The following CACNA1A variants were observed in gnomAD, a reference collection of about 807,000 sequenced individuals.
CACNA1A encodes voltage-dependent P/Q-type calcium channel subunit alpha-1A.
Under a neutral mutation model 262.4 loss-of-function variants are expected in CACNA1A, and 57 were observed. That is an observed-to-expected ratio of 0.22 (90% CI 0.18 to 0.27). CACNA1A has a LOEUF of 0.27. Among genes scored for constraint, CACNA1A ranks in the 10% least tolerant of loss-of-function variants. CACNA1A has a pLI of 1.00. For synonymous variants in CACNA1A, 1,431 were observed against 1,419.3 expected (o/e 1.01, Z -0.18); for missense variants, 2,526 against 3,562.8 (o/e 0.71, Z 7.41).
At chr19:13,220,815 G>C (rs1005268548) in intron 38 of CACNA1A, among the ~76,000 whole-genome samples, 4 of 152,040 alleles carry the variant, frequency 2.6e-5, no homozygotes, top group Admixed American at 6.6e-5. Context: ...CTGTAGAGAT[G>C]GGGTCTCTCT....
In CACNA1A at chr19:13,299,243, A is replaced by G. The variant is rs121908241; in HGVS notation, c.2390T>C (p.Met797Thr). Residue 797 changes from methionine to threonine, a missense_variant, in exon 19 of 47, where the codon ATG becomes ACG. Met to Thr is a moderately conservative substitution (Grantham distance 81). Transcript: ENST00000360228. The part of the protein sequence containing the change: ...LASREALYNE[M>T]DPDERWKAAY... ...AGCCTTCCAGCGCTCGTCCGGGTCC[A>G]TTTCGTTATACAGGGCCTCCCGGCT... is the stretch of plus-strand genomic sequence containing the variant. 10 of 1,608,922 alleles carry G rather than the reference A, an allele frequency of 6.2e-6. No individual in the cohort carries two copies. The highest frequency in any genetic ancestry group is 8.5e-6 in the Non-Finnish European group (10 of 1,179,814).
chr19:13,308,260 A>C lies in CACNA1A; in HGVS notation c.1782-9T>G, dbSNP rs1366183134. ...TGAGAGATGCCCAGTACCTGCCGAC[A>C]GAGGCCAGGCGAGGACTCAGGCCAG... On this transcript the variant is annotated splice_polypyrimidine_tract_variant and intron_variant, in intron 13 of 46. Coordinates refer to ENST00000360228, the MANE Select transcript of CACNA1A (RefSeq NM_001127222.2). This position sits in a 1 kb window ranked among gnomAD's most constrained non-coding sequence, Gnocchi z 4.2. The C allele has an allele frequency of 1.2e-6, 2 of 1,610,424 alleles. No homozygotes were observed. Among genetic ancestry groups the C allele is most frequent in the African/African-American group, 2.7e-5 (2 of 74,796 alleles).
intron 3 of CACNA1A, among the ~76,000 whole-genome samples, chr19:13,413,571 T>TAAAAA (rs58314938): frequency 1.4e-5 from 1 of 71,876 alleles, no homozygotes; most frequent in Non-Finnish European, 2.5e-5. Flanking sequence ...GGTCCTGTCT[T>TAAAAA]AAAAAAAAAA....
chr19:13,377,192 C>T (rs2059434760), intron 3 of CACNA1A, among the ~76,000 whole-genome samples: 1 of 151,560 alleles, frequency 6.6e-6, no homozygotes, highest in African/African-American at 2.4e-5. Flanking sequence ...GAACTCCCGA[C>T]CTCAGGTGAT....
At chr19:13,434,778 TTTTA>T (rs576990355) in intron 3 of CACNA1A, among the ~76,000 whole-genome samples, 31 of 151,970 alleles carry the variant, frequency 2.0e-4, no homozygotes, top group Non-Finnish European at 3.4e-4. Flanking sequence ...GTCTCAGGGT[TTTTA>T]TTTATTTATT....
chr19:13,312,436 C>T (rs1161681323), intron 12 of CACNA1A, among the ~76,000 whole-genome samples: 1 of 152,186 alleles, frequency 6.6e-6, no homozygotes, highest in Non-Finnish European at 1.5e-5. Flanking sequence ...CTTATGTCCC[C>T]CACTTAGCTT....
intron 3 of CACNA1A, among the ~76,000 whole-genome samples, chr19:13,411,098 G>T (rs1331634084): frequency 6.6e-6 from 1 of 152,092 alleles, no homozygotes; most frequent in East Asian, 1.9e-4. Flanking sequence ...TGGTGCAAAG[G>T]TTATTTCCTT....
intron 38 of CACNA1A, among the ~76,000 whole-genome samples, chr19:13,220,264 GA>G (rs56246005): frequency 0.83 from 124,288 of 149,292 alleles, 51,861 homozygotes; most frequent in South Asian, 0.9. Flanking sequence ...TCTGTCTCAA[GA>G]AAAAAAAAAA....
At chr19:13,326,469 G>A (rs149090487) in intron 10 of CACNA1A, among the ~76,000 whole-genome samples, 11 of 152,146 alleles carry the variant, frequency 7.2e-5, no homozygotes, top group South Asian at 2.1e-4. Flanking sequence ...ATTCAACAGC[G>A]CAGTAGAATC....
At chr19:13,338,765 T>A (rs573980676) in intron 6 of CACNA1A, among the ~76,000 whole-genome samples, 2 of 152,324 alleles carry the variant, frequency 1.3e-5, no homozygotes, top group African/African-American at 4.8e-5. Flanking sequence ...TTTCCTCATT[T>A]GTGTGCTGGT....
At chr19:13,496,329 A>G (rs1398462104) in intron 1 of CACNA1A, among the ~76,000 whole-genome samples, 1 of 152,190 alleles carries the variant, frequency 6.6e-6, no homozygotes, top group Non-Finnish European at 1.5e-5. Context: ...AAGCTAACCT[A>G]TATTTGGTGC....
chr19:13,322,179 G>A (rs2058268764), intron 10 of CACNA1A, among the ~76,000 whole-genome samples: 1 of 145,354 alleles, frequency 6.9e-6, no homozygotes, highest in Admixed American at 7.0e-5. Context: ...TCCAGCCTGG[G>A]TGATGGAGTG....
At chr19:13,282,333 G>C (rs181906623) in intron 22 of CACNA1A, among the ~76,000 whole-genome samples, 43 of 152,196 alleles carry the variant, frequency 2.8e-4, no homozygotes, top group Non-Finnish European at 5.1e-4. Flanking sequence ...GGAAGGGTTG[G>C]GGGAGGGAGC....
chr19:13,241,507 G>T lies in CACNA1A; in HGVS notation c.4950+3675C>A. The T allele has an allele frequency of 7.7e-7, 1 of 1,304,980 alleles. No individual in the cohort carries two copies. The highest frequency in any genetic ancestry group is 1.0e-6 in the Non-Finnish European group (1 of 991,784). The allele number at this position is 1,304,980 out of a possible 1,614,324, so 80.8% of individuals were successfully genotyped here. ...ATGTAAGGCATTTAGACTTCAGAAAGAAGTAAGACCAACCGGATTCTAGAT... is the reference window on the plus strand; with the variant it reads ...ATGTAAGGCATTTAGACTTCAGAAATAAGTAAGACCAACCGGATTCTAGAT... On this transcript the variant is annotated intron_variant, in intron 31 of 46. Coordinates refer to ENST00000360228, the MANE Select transcript of CACNA1A (RefSeq NM_001127222.2). This position sits in a 1 kb window ranked among gnomAD's most constrained non-coding sequence, Gnocchi z 4.0.
At position 13,207,722 on chromosome 19, in the gene CACNA1A, AC is replaced by A; in HGVS notation, c.7111del (p.Val2371SerfsTer237). On this transcript the variant is annotated frameshift_variant, in exon 47 of 47. Transcript: ENST00000360228. LOFTEE classifies it low-confidence loss of function (END_TRUNC). This position sits in a 1 kb window ranked among gnomAD's most constrained non-coding sequence, Gnocchi z 5.7. ...SGRSPRMERR[V>X]PGPARSESPR... is the part of the protein sequence containing the mutation. ...GGACTCGCTCCGGGCCGGGCCTGGG[AC>A]CCGCCTCTCCATCCTGGGCGAGCGG... 7.4e-7 allele frequency: 1 copy of A among 1,357,116 alleles called. No individual in the cohort carries two copies. 84.1% of individuals were successfully genotyped at this position (1,357,116 alleles called of 1,614,324 possible).
At chr19:13,353,267 C>T (rs546697116) in intron 6 of CACNA1A, among the ~76,000 whole-genome samples, 5 of 151,614 alleles carry the variant, frequency 3.3e-5, no homozygotes, top group East Asian at 1.9e-4. Context: ...TACAGATGTA[C>T]GCCACTATGC....
intron 3 of CACNA1A, among the ~76,000 whole-genome samples, chr19:13,423,059 T>C (rs1226582608): frequency 6.6e-6 from 1 of 152,230 alleles, no homozygotes; most frequent in East Asian, 1.9e-4. Flanking sequence ...TGGAGAACCC[T>C]GACACATACT....
intron 43 of CACNA1A, chr19:13,211,735 A>C: frequency 3.7e-6 from 1 of 268,178 alleles, no homozygotes; most frequent in Non-Finnish European, 7.3e-6. Flanking sequence ...GTGTTTGTGT[A>C]GGGGTGATCT....
chr19:13,389,776 G>A (rs1289479101), intron 3 of CACNA1A, among the ~76,000 whole-genome samples: 12 of 151,892 alleles, frequency 7.9e-5, no homozygotes, highest in Non-Finnish European at 1.6e-4. Flanking sequence ...ATTCCCTCAG[G>A]TAGTCTTTGC....
Sources: allele counts gnomAD v4.1 joint callset (sites outside exome capture counted in the v4.1 genomes callset), GRCh38; gene constraint gnomAD v4.1.1; non-coding constraint Gnocchi (gnomAD v3.1); transcripts MANE v1.5; gene names NCBI Gene and HGNC (gene_info 2026-07-23, HGNC 2026-07-21).